Variants in DENND2D observed in about 807,000 individuals in gnomAD.
DENND2D encodes DENN domain containing 2D.
In DENND2D, 37 loss-of-function variants were observed where a neutral mutation model predicts 59.8. The ratio of observed to expected loss-of-function variants is 0.62; its 90% confidence interval spans 0.48 to 0.81. The LOEUF (loss-of-function observed/expected upper bound fraction) is 0.81. DENND2D is among the 40% of genes least tolerant of loss of function. The probability of loss-of-function intolerance (pLI) is 0.00; values close to 1 mark genes in which losing one functional copy is unlikely to be tolerated. For synonymous variants in DENND2D, 219 were observed against 211.3 expected (o/e 1.04, Z -0.31); for missense variants, 525 against 579.7 (o/e 0.91, Z 0.97).
At chr1:111,194,914 C>T (rs1421523175) in intron 6 of DENND2D, among the ~76,000 whole-genome samples, 188 bp from the exon 7 acceptor site, 5 of 152,070 alleles carry the variant, frequency 3.3e-5, no homozygotes, top group Non-Finnish European at 7.4e-5. Context: ...CCATAATGTC[C>T]TGCACCCTCC....
chr1:111,204,322 C>A, upstream of DENND2D: 1 of 1,482,612 alleles, frequency 6.7e-7, no homozygotes, highest in Non-Finnish European at 8.9e-7. Context: ...CAGTCTCAGG[C>A]TGGCTCGAAG....
chr1:111,197,926 G>T lies in DENND2D; in HGVS notation c.420C>A (p.Arg140=). 1 of 1,613,932 alleles carries T rather than the reference G, an allele frequency of 6.2e-7. No homozygotes were observed. Among genetic ancestry groups the T allele is most frequent in the Non-Finnish European group, 8.5e-7 (1 of 1,180,022 alleles). Residue 140 remains arginine (R), a synonymous_variant, in exon 4 of 12, where the codon CGC becomes CGA. Transcript: ENST00000357640. ...DGSRKIGYCR[R]LLPAGPGPRL... ...AGTTCTGAGCTGCACAGACCAAGAG[G>T]CGCCTGCAGTATCCAATCTTTCTGC...
intron 2 of DENND2D, 83 bp from the exon 3 acceptor site, chr1:111,198,825 T>C: frequency 7.0e-7 from 1 of 1,424,114 alleles, no homozygotes; most frequent in South Asian, 1.2e-5. Flanking sequence ...GTGGGCTTCC[T>C]TTGAGGCTCT....
intron 8 of DENND2D, among the ~76,000 whole-genome samples, chr1:111,191,352 A>G (rs1222891300): frequency 2.0e-5 from 3 of 152,214 alleles, no homozygotes; most frequent in African/African-American, 7.2e-5. Context: ...TCTGGAGCTC[A>G]GTTATCTCTT....
chr1:111,192,448 G>T, intron 7 of DENND2D, 131 bp from the exon 8 acceptor site: 1 of 956,692 alleles, frequency 1.0e-6, no homozygotes, highest in Non-Finnish European at 1.4e-6. Context: ...CAAGTCTGGG[G>T]GCCATGCTGG....
intron 11 of DENND2D, 81 bp from the exon 12 acceptor site, chr1:111,187,762 T>A: frequency 8.7e-7 from 1 of 1,147,276 alleles, no homozygotes; most frequent in Non-Finnish European, 1.3e-6. Context: ...GGATCAGAAA[T>A]ATCCTGTCTG....
At chr1:111,191,581 G>A (rs1306364114) in intron 8 of DENND2D, among the ~76,000 whole-genome samples, 1 of 152,158 alleles carries the variant, frequency 6.6e-6, no homozygotes, top group African/African-American at 2.4e-5. Context: ...GATGTAAGAA[G>A]CTAACAAAAT....
chr1:111,193,302 T>G (rs1179711039), intron 7 of DENND2D, among the ~76,000 whole-genome samples: 1 of 152,132 alleles, frequency 6.6e-6, no homozygotes, highest in Admixed American at 6.5e-5. Flanking sequence ...AAACTCAGTG[T>G]GGGAAGGAAG....
rs1283477858 is a variant in DENND2D at position 111,187,625 on chromosome 1, T to G, written c.1396A>C (p.Arg466=). ...YEEQKKQKKP[R]EKTVK ...AGCTCTTATTTCACAGTTTTTTCCC[T>G]TGGTTTCTTCTGTTTCTTCTGTTCC... The change falls in exon 12 of 12, where the codon AGG becomes CGG. Residue 466 remains arginine (R), a synonymous_variant. Transcript: ENST00000357640. 3 of 1,613,872 alleles carry G rather than the reference T, an allele frequency of 1.9e-6. No homozygotes were observed. The highest frequency in any genetic ancestry group is 1.7e-6 in the Non-Finnish European group (2 of 1,179,776).
At chr1:111,194,476 C>A in intron 7 of DENND2D, 102 bp downstream of exon 7, 4 of 1,350,516 alleles carry the variant, frequency 3.0e-6, no homozygotes, top group Non-Finnish European at 4.1e-6. Context: ...AGGGTGGGCG[C>A]ATGGACCCTA....
chr1:111,196,038 T>C lies in DENND2D; in HGVS notation c.523A>G (p.Lys175Glu). 1 of 1,610,950 alleles carries C rather than the reference T, an allele frequency of 6.2e-7. No homozygotes were observed. Among genetic ancestry groups the C allele is most frequent in the South Asian group, 1.1e-5 (1 of 90,862 alleles). ...ACAGCCATGGAGATCTGATGTCTCT[T>C]CTCCACTTCATCCAGGATCTGCAGG... The part of the protein sequence containing the change: ...LFSKILDEVE[K>E]RHQISMAVIY... Residue 175 changes from lysine to glutamate, a missense_variant, in exon 6 of 12, where the codon AAG (lysine) becomes GAG (glutamate). This residue lies in a region of DENND2D where 253 missense variants were observed against 246.4 expected (regional missense o/e 1.03). Transcript: ENST00000357640.
chr1:111,196,872 C>T (rs540647164), intron 5 of DENND2D: 37 of 360,860 alleles, frequency 1.0e-4, no homozygotes, highest in Non-Finnish European at 1.6e-4. Flanking sequence ...TATATCCATT[C>T]GACGGATGAG....
intron 4 of DENND2D, 129 bp from the exon 5 acceptor site, chr1:111,197,382 A>G: frequency 1.1e-5 from 17 of 1,480,272 alleles, no homozygotes; most frequent in Non-Finnish European, 1.5e-5. Flanking sequence ...TGCAGCAGGG[A>G]GGTCAGAATG....
At chr1:111,196,481 T>A (rs544339764) in intron 5 of DENND2D, 4 of 162,576 alleles carry the variant, frequency 2.5e-5, no homozygotes, top group African/African-American at 9.6e-5. Flanking sequence ...CACTGTAGAT[T>A]CCCGAGGTCA....
At chr1:111,195,516 C>T (rs1028840757) in intron 6 of DENND2D, 1 of 200,562 alleles carries the variant, frequency 5.0e-6, no homozygotes, top group Non-Finnish European at 1.0e-5. Flanking sequence ...TGGGTGGAGA[C>T]TCGGAGGTGG....
At chr1:111,202,135 T>G (rs141509971), upstream of DENND2D, among the ~76,000 whole-genome samples, 9 of 152,338 alleles carry the variant, frequency 5.9e-5, no homozygotes, top group African/African-American at 2.2e-4. Context: ...CAAAGGACAT[T>G]GAGAAACAGA....
chr1:111,188,559 C>A, intron 10 of DENND2D, 143 bp downstream of exon 10: 1 of 1,170,498 alleles, frequency 8.5e-7, no homozygotes, highest in South Asian at 1.5e-5. Context: ...AATACAATCC[C>A]AAATTCAGAC....
At position 111,192,218 on chromosome 1, in the gene DENND2D, G is replaced by C. The variant is rs555153173; in HGVS notation, c.894C>G (p.Thr298=). The C allele has an allele frequency of 6.2e-7, 1 of 1,613,976 alleles. No individual in the cohort carries two copies. Among genetic ancestry groups the C allele is most frequent in the Admixed American group, 1.7e-5 (1 of 60,012 alleles). The change falls in exon 8 of 12, where the codon ACC becomes ACG. Residue 298 remains threonine, a synonymous_variant. Coordinates refer to ENST00000357640, the MANE Select transcript of DENND2D (RefSeq NM_024901.5). ...CCATGAAGGGGGTGGGGCAGCAGAC[G>C]GTGGCCAGAAGGCTCTCAGGGACAA... The part of the protein sequence containing the change: ...IPVVPESLLA[T]VCCPTPFMVG...
intron 4 of DENND2D, chr1:111,197,701 C>G (rs755046382): frequency 2.1e-5 from 30 of 1,409,638 alleles, no homozygotes; most frequent in Non-Finnish European, 2.5e-5. Context: ...AGAGAGAGCA[C>G]AGACCAGAGC....
Sources: allele counts gnomAD v4.1 joint callset (sites outside exome capture counted in the v4.1 genomes callset), GRCh38; gene constraint gnomAD v4.1.1; regional missense constraint gnomAD v4.1.1; transcripts MANE v1.5; gene names NCBI Gene and HGNC (gene_info 2026-07-23, HGNC 2026-07-21).